Variants in PCDH15 observed in about 807,000 individuals in gnomAD.
The protein encoded by PCDH15 is protocadherin-15.
In PCDH15, 129 loss-of-function variants were observed where a neutral mutation model predicts 178.5. The observed-to-expected ratio is 0.72, with a 90% CI of 0.63 to 0.84. The LOEUF is 0.84. Among genes scored for constraint, PCDH15 ranks in the 40% least tolerant of loss-of-function variants. The pLI is 0.00. For synonymous variants in PCDH15, 800 were observed against 732.0 expected, an observed-to-expected ratio of 1.09 and a Z score of -1.50; for missense variants, 2,230 against 2,099.9, an observed-to-expected ratio of 1.06 and a Z score of -1.21.
At chr10:55,313,413 TAA>T (rs1320978957) in intron 1 of PCDH15, among the ~76,000 whole-genome samples, 9 of 152,190 alleles carry the variant, frequency 5.9e-5, no homozygotes, top group African/African-American at 2.2e-4. Flanking sequence ...TCCTTCTATT[TAA>T]AAGTGCAACT....
At chr10:54,835,270 T>A (rs1404870426) in intron 3 of PCDH15, among the ~76,000 whole-genome samples, 1 of 152,170 alleles carries the variant, frequency 6.6e-6, no homozygotes, top group Non-Finnish European at 1.5e-5. Context: ...ATATTAATAT[T>A]TTTTAAGCAT....
rs139319613 is a variant in PCDH15 at position 54,664,839 on chromosome 10, T to A, written c.-28-549A>T. On this transcript the variant is annotated intron_variant, in intron 1 of 37. Transcript: ENST00000644397. ...GGAAAATCTGTCAATTTTCACTACA[T>A]CTGCTTTATGAAGCATTTGGATGCA... Among the ~76,000 whole-genome samples the A allele has an allele frequency of 2.9e-3, 434 of 151,692 alleles. 3 individuals are homozygous for A. The highest frequency in any genetic ancestry group is 6.8e-3 in the Middle Eastern group (2 of 294).
At chr10:54,591,380 C>T (rs1389745976) in intron 2 of PCDH15, among the ~76,000 whole-genome samples, 4 of 152,176 alleles carry the variant, frequency 2.6e-5, no homozygotes, top group Non-Finnish European at 4.4e-5. Context: ...GCAAATGTAA[C>T]ATTGCTAGTT....
intron 5 of PCDH15, among the ~76,000 whole-genome samples, chr10:54,347,458 C>T (rs989776759): frequency 7.9e-5 from 12 of 152,110 alleles, no homozygotes; most frequent in African/African-American, 1.7e-4. Flanking sequence ...TAAACATAAG[C>T]TCTGTGCCTC....
intron 2 of PCDH15, among the ~76,000 whole-genome samples, chr10:55,142,463 G>T (rs555302998): frequency 6.6e-6 from 1 of 150,416 alleles, no homozygotes; most frequent in Non-Finnish European, 1.5e-5. Context: ...AACATAGATG[G>T]GTATATATGC....
chr10:54,874,986 G>T (rs1954113681), intron 3 of PCDH15, among the ~76,000 whole-genome samples: 2 of 152,078 alleles, frequency 1.3e-5, no homozygotes, highest in Admixed American at 6.6e-5. Flanking sequence ...TGATTAAAAG[G>T]CTGGTTTACA....
intron 3 of PCDH15, among the ~76,000 whole-genome samples, chr10:54,886,532 G>C (rs1454656082): frequency 2.0e-5 from 3 of 152,106 alleles, no homozygotes; most frequent in Non-Finnish European, 2.9e-5. Flanking sequence ...GAGGCCAAGG[G>C]GCGCAGATCA....
intron 3 of PCDH15, among the ~76,000 whole-genome samples, chr10:54,489,756 T>C (rs1273551641): frequency 6.6e-6 from 1 of 152,180 alleles, no homozygotes; most frequent in Non-Finnish European, 1.5e-5. Flanking sequence ...ATATTATACC[T>C]TAATAGATCT....
rs148734302 is a variant in PCDH15, at chr10:55,142,372, A to G, written c.-80+24204T>C. ...TTATACTGTTAACTTTATCAAATAT[A>G]GAGTATAAGTTTTCCTACCAAAATT... On this transcript the variant is annotated intron_variant, in intron 2 of 5. Coordinates refer to the PCDH15 transcript ENST00000458638. 3.3e-5 allele frequency among the ~76,000 whole-genome samples: 5 copies of G among 152,104 alleles called. No homozygotes were observed. In the East Asian group the frequency reaches 9.8e-4, roughly 30 times the overall value.
At chr10:53,947,520 A>G (rs975566373) in intron 23 of PCDH15, among the ~76,000 whole-genome samples, 2 of 152,028 alleles carry the variant, frequency 1.3e-5, no homozygotes, top group Non-Finnish European at 2.9e-5. Context: ...TCTACCTACT[A>G]TGAGAGGATT....
chr10:55,564,955 A>C (rs529672021), intron 2 of PCDH15, among the ~76,000 whole-genome samples: 40 of 151,832 alleles, frequency 2.6e-4, no homozygotes, highest in African/African-American at 9.6e-4. Context: ...GAAGATAAGT[A>C]AAGAAATAAA....
intron 3 of PCDH15, among the ~76,000 whole-genome samples, chr10:54,458,655 C>A (rs535009366): frequency 2.6e-5 from 4 of 152,156 alleles, no homozygotes; most frequent in African/African-American, 9.6e-5. Flanking sequence ...TATTTACTTG[C>A]AGAACTTGTT....
chr10:55,501,980 T>C (rs1408981755), intron 2 of PCDH15, among the ~76,000 whole-genome samples: 1 of 151,786 alleles, frequency 6.6e-6, no homozygotes, highest in Non-Finnish European at 1.5e-5. Context: ...TTTTTTTTCT[T>C]ATGTAATTTC....
At chr10:55,252,856 GA>G (rs1237530584) in intron 1 of PCDH15, among the ~76,000 whole-genome samples, 1 of 151,866 alleles carries the variant, frequency 6.6e-6, no homozygotes, top group African/African-American at 2.4e-5. Flanking sequence ...AGTCACTAAA[GA>G]AACCTGTAAA....
intron 3 of PCDH15, among the ~76,000 whole-genome samples, chr10:54,499,768 G>A (rs1271411089): frequency 6.6e-6 from 1 of 151,848 alleles, no homozygotes; most frequent in Non-Finnish European, 1.5e-5. Context: ...GAGGAAGTAG[G>A]AAAAAAAGAT....
chr10:53,931,404 A>AT (rs2085051286), intron 25 of PCDH15, among the ~76,000 whole-genome samples: 1 of 152,118 alleles, frequency 6.6e-6, no homozygotes, highest in African/African-American at 2.4e-5. Flanking sequence ...TCTGGCCTTA[A>AT]TTTTCCAGAC....
At chr10:54,206,128 T>G (rs2050768849) in intron 10 of PCDH15, among the ~76,000 whole-genome samples, 1 of 152,116 alleles carries the variant, frequency 6.6e-6, no homozygotes, top group African/African-American at 2.4e-5. Flanking sequence ...CCCATTCTGT[T>G]TATAACTTGT....
chr10:53,911,616 G>T lies in PCDH15; in HGVS notation c.3374-8246C>A, dbSNP rs552859602. On this transcript the variant is annotated intron_variant, in intron 25 of 37. Transcript: ENST00000644397. ...AAGAAATCAGAGCAGAACTGAAGGAGATAGAAACACAAAGAACCCTTCAAA... is the reference window on the plus strand; with the variant it reads ...AAGAAATCAGAGCAGAACTGAAGGATATAGAAACACAAAGAACCCTTCAAA... Among the ~76,000 whole-genome samples, 362 of 152,280 alleles carry T rather than the reference G, an allele frequency of 2.4e-3. 1 individual carries two copies. The highest frequency in any genetic ancestry group is 7.9e-3 in the African/African-American group (330 of 41,548).
At chr10:53,860,303 C>A (rs2079018325) in intron 27 of PCDH15, among the ~76,000 whole-genome samples, 1 of 152,170 alleles carries the variant, frequency 6.6e-6, no homozygotes. Context: ...ATTTCTCAGC[C>A]TTCTTTGTAG....
Sources: allele counts gnomAD v4.1 joint callset (sites outside exome capture counted in the v4.1 genomes callset), GRCh38; gene constraint gnomAD v4.1.1; transcripts MANE v1.5; gene names NCBI Gene and HGNC (gene_info 2026-07-23, HGNC 2026-07-21).